Variants in MACROD2 observed in about 807,000 individuals in gnomAD.
MACROD2 encodes mono-ADP ribosylhydrolase 2, also known as ADP-ribose glycohydrolase MACROD2.
MACROD2 carries 36 observed loss-of-function variants against 70.4 expected under a neutral mutation model. The observed-to-expected ratio is 0.51, with a 90% CI of 0.39 to 0.68. The LOEUF is 0.68. Ranked by LOEUF, MACROD2 falls within the 30% of genes least tolerant of loss-of-function variation. The pLI, the probability that MACROD2 is intolerant of heterozygous loss-of-function variation, is 0.00. For missense variants in MACROD2, 496 were observed against 538.4 expected (o/e 0.92, Z 0.78); for synonymous variants, 172 against 178.8 (o/e 0.96, Z 0.30).
chr20:15,399,455 C>G (rs1357834628), intron 6 of MACROD2, among the ~76,000 whole-genome samples: 1 of 152,182 alleles, frequency 6.6e-6, no homozygotes, highest in East Asian at 1.9e-4. Flanking sequence ...GAGCATATAT[C>G]TAGCATGCAA....
chr20:14,783,322 G>A (rs2123788925), intron 5 of MACROD2, among the ~76,000 whole-genome samples: 2 of 152,178 alleles, frequency 1.3e-5, no homozygotes, highest in Middle Eastern at 6.8e-3. Flanking sequence ...AGATTATCAT[G>A]TAGCTTTTCA....
At chr20:15,531,026 G>T in intron 8 of MACROD2, among the ~76,000 whole-genome samples, 1 of 144,378 alleles carries the variant, frequency 6.9e-6, no homozygotes, top group African/African-American at 2.6e-5. Flanking sequence ...ACAAATTGCT[G>T]GAGTTGTACA....
At chr20:14,977,411 G>T (rs1463786579) in intron 5 of MACROD2, among the ~76,000 whole-genome samples, 1 of 144,980 alleles carries the variant, frequency 6.9e-6, no homozygotes, top group African/African-American at 2.6e-5. Context: ...CATGTTAGTA[G>T]GTAATATTTA....
At chr20:15,519,413 C>T (rs748273149) in intron 8 of MACROD2, among the ~76,000 whole-genome samples, 21 of 152,230 alleles carry the variant, frequency 1.4e-4, no homozygotes, top group Non-Finnish European at 2.8e-4. Flanking sequence ...CGTGAGTCAC[C>T]GTGCCCAGCC....
intron 3 of MACROD2, among the ~76,000 whole-genome samples, chr20:14,145,976 A>G (rs1180927836): frequency 6.6e-6 from 1 of 152,210 alleles, no homozygotes; most frequent in African/African-American, 2.4e-5. Context: ...CCAGTATTCT[A>G]TTGAACGGTT....
chr20:15,734,846 T>TCCATTATGATAGCAAAATA (rs1273407359), intron 8 of MACROD2, among the ~76,000 whole-genome samples: 1 of 152,230 alleles, frequency 6.6e-6, no homozygotes, highest in Non-Finnish European at 1.5e-5. Flanking sequence ...CATAATGCTT[T>TCCATTATGATAGCAAAATA]CCATTATGAT....
At chr20:15,739,490 A>C (rs548327563) in intron 8 of MACROD2, among the ~76,000 whole-genome samples, 3 of 152,324 alleles carry the variant, frequency 2.0e-5, no homozygotes, top group East Asian at 3.9e-4. Flanking sequence ...ATGAGCCAGC[A>C]GAAAATAGTC....
intron 7 of MACROD2, among the ~76,000 whole-genome samples, chr20:15,455,037 AG>A (rs2046704271): frequency 6.6e-6 from 1 of 152,188 alleles, no homozygotes; most frequent in Non-Finnish European, 1.5e-5. Flanking sequence ...ATGGTCACAC[AG>A]AGACCACAAG....
At chr20:15,762,847 C>CA (rs1386042296) in intron 8 of MACROD2, among the ~76,000 whole-genome samples, 1 of 152,094 alleles carries the variant, frequency 6.6e-6, no homozygotes, top group African/African-American at 2.4e-5. Context: ...ATTACTGTAC[C>CA]ATCTATAAGG....
At chr20:15,615,938 C>G (rs948012982) in intron 8 of MACROD2, among the ~76,000 whole-genome samples, 1 of 151,950 alleles carries the variant, frequency 6.6e-6, no homozygotes, top group Admixed American at 6.6e-5. Context: ...TGACTGAAAA[C>G]AAATTTGGTT....
intron 3 of MACROD2, among the ~76,000 whole-genome samples, chr20:14,488,776 G>A (rs748725176): frequency 4.6e-5 from 7 of 152,164 alleles, no homozygotes; most frequent in Non-Finnish European, 1.0e-4. Flanking sequence ...GACCAAATAA[G>A]TGGGGTTTTT....
chr20:14,662,915 A>T (rs1986294428), intron 4 of MACROD2, among the ~76,000 whole-genome samples: 3 of 151,564 alleles, frequency 2.0e-5, no homozygotes, highest in Admixed American at 2.0e-4. Context: ...ATTGTGGAAG[A>T]TGGTGTGGTG....
intron 15 of MACROD2, among the ~76,000 whole-genome samples, chr20:16,001,697 T>A (rs2066711793): frequency 6.6e-6 from 1 of 152,194 alleles, no homozygotes; most frequent in South Asian, 2.1e-4. Context: ...TTTTTTTCCA[T>A]TTGTCATATT....
chr20:14,480,032 C>G (rs2084644541), intron 3 of MACROD2, among the ~76,000 whole-genome samples: 1 of 152,058 alleles, frequency 6.6e-6, no homozygotes, highest in Non-Finnish European at 1.5e-5. Flanking sequence ...TGCATGCCAC[C>G]ATGCCCAGCA....
intron 3 of MACROD2, among the ~76,000 whole-genome samples, chr20:14,467,439 C>T (rs2084469478): frequency 6.6e-6 from 1 of 152,132 alleles, no homozygotes; most frequent in Non-Finnish European, 1.5e-5. Flanking sequence ...TCTGTCACCC[C>T]TTTCTTTGAC....
At chr20:14,756,173 C>T (rs1002032823) in intron 5 of MACROD2, among the ~76,000 whole-genome samples, 2 of 152,098 alleles carry the variant, frequency 1.3e-5, no homozygotes, top group Non-Finnish European at 2.9e-5. Context: ...TTACTAAACT[C>T]CGTGGCTTCC....
At chr20:15,312,231 C>T (rs555159320) in intron 6 of MACROD2, among the ~76,000 whole-genome samples, 1 of 152,346 alleles carries the variant, frequency 6.6e-6, no homozygotes, top group South Asian at 2.1e-4. Context: ...CACATATGCA[C>T]ACTCACACTT....
chr20:14,614,081 T>C (rs1468910258), intron 4 of MACROD2, among the ~76,000 whole-genome samples: 1 of 152,130 alleles, frequency 6.6e-6, no homozygotes, highest in African/African-American at 2.4e-5. Flanking sequence ...TCATGCTGTC[T>C]CCAAAAGTGA....
At chr20:14,798,490 G>A (rs1001540353) in intron 5 of MACROD2, among the ~76,000 whole-genome samples, 1 of 152,032 alleles carries the variant, frequency 6.6e-6, no homozygotes, top group Non-Finnish European at 1.5e-5. Context: ...ATGATTGGCA[G>A]TTATATAATT....
Sources: gnomAD v4.1 joint callset for allele counts (sites outside exome capture counted in the v4.1 genomes callset) on GRCh38, gnomAD v4.1.1 for gene constraint, MANE v1.5 for transcripts, NCBI Gene and HGNC (gene_info 2026-07-23, HGNC 2026-07-21) for gene names.